The following IQCK variants were observed in gnomAD, a reference collection of about 807,000 sequenced individuals.
The protein encoded by IQCK is IQ domain-containing protein K.
In IQCK, 29 loss-of-function variants were observed where a neutral mutation model predicts 28.1. The ratio of observed to expected loss-of-function variants is 1.03; its 90% CI spans 0.77 to 1.41. IQCK has a LOEUF of 1.41. IQCK is among the 40% of genes most tolerant of loss of function. The pLI, the probability that IQCK is intolerant of heterozygous loss-of-function variation, is 0.00. For synonymous variants in IQCK, 113 were observed against 115.1 expected, an observed-to-expected ratio of 0.98 and a Z score of 0.12; for missense variants, 359 against 314.7, an observed-to-expected ratio of 1.14 and a Z score of -1.07.
At chr16:19,757,237 A>G (rs146166208) in intron 4 of IQCK, among the ~76,000 whole-genome samples, 19 of 152,338 alleles carry the variant, frequency 1.2e-4, no homozygotes, top group African/African-American at 4.1e-4. Context: ...GTGGAATTAT[A>G]TGAGTCATCT....
intron 6 of IQCK, among the ~76,000 whole-genome samples, chr16:19,773,576 CACAG>C (rs1293296328): frequency 6.6e-6 from 1 of 152,162 alleles, no homozygotes. Context: ...CTTTGCAAGC[CACAG>C]ACAGTCTCTC....
At chr16:19,726,726 G>A (rs1977666602) in intron 1 of IQCK, among the ~76,000 whole-genome samples, 1 of 152,138 alleles carries the variant, frequency 6.6e-6, no homozygotes, top group Admixed American at 6.6e-5. Flanking sequence ...CTTACGATAT[G>A]GTTGGTTCTG....
chr16:19,838,599 G>A (rs2056325790), intron 9 of IQCK, among the ~76,000 whole-genome samples: 1 of 152,192 alleles, frequency 6.6e-6, no homozygotes, highest in South Asian at 2.1e-4. Context: ...ACCTGTGGCT[G>A]CCAAACGTTG....
At chr16:19,750,722 A>G (rs2054975478) in intron 4 of IQCK, among the ~76,000 whole-genome samples, 2 of 152,188 alleles carry the variant, frequency 1.3e-5, no homozygotes, top group African/African-American at 4.8e-5. Context: ...TTGGCCTCCC[A>G]AAGTGCCGGG....
intron 6 of IQCK, among the ~76,000 whole-genome samples, chr16:19,777,174 G>A (rs1373082634): frequency 6.6e-6 from 1 of 151,868 alleles, no homozygotes; most frequent in Admixed American, 6.6e-5. Context: ...TTTCAGCTAA[G>A]TTTTATCCTT....
At chr16:19,857,285 C>CCACA (rs1405598903) in exon 10 of IQCK, 5 of 340,008 alleles carry the variant, frequency 1.5e-5, no homozygotes, top group Non-Finnish European at 2.8e-5. Flanking sequence ...TGACAAGCTA[C>CCACA]CACACGTCTT....
At chr16:19,843,945 C>T (rs2056387926) in intron 9 of IQCK, among the ~76,000 whole-genome samples, 1 of 152,132 alleles carries the variant, frequency 6.6e-6, no homozygotes, top group South Asian at 2.1e-4. Context: ...GAGTAATATT[C>T]CATTGTATGA....
intron 4 of IQCK, among the ~76,000 whole-genome samples, chr16:19,763,539 T>C (rs574642649): frequency 2.4e-4 from 36 of 152,058 alleles, no homozygotes; most frequent in Middle Eastern, 3.4e-3. Flanking sequence ...ACCTCCCAGG[T>C]TCAAGCAATT....
At chr16:19,727,919 C>G (rs1184857078) in intron 1 of IQCK, among the ~76,000 whole-genome samples, 4 of 152,086 alleles carry the variant, frequency 2.6e-5, no homozygotes, top group Non-Finnish European at 4.4e-5. Flanking sequence ...CCCCAAGATT[C>G]TTGCCACCTC....
chr16:19,758,743 A>G (rs1303147281), intron 4 of IQCK, among the ~76,000 whole-genome samples: 2 of 152,198 alleles, frequency 1.3e-5, no homozygotes, highest in Non-Finnish European at 2.9e-5. Flanking sequence ...TATTACGCCA[A>G]CCAGCAGTAT....
chr16:19,751,869 C>A lies in IQCK; in HGVS notation c.475-11979C>A, dbSNP rs16951280. Among the ~76,000 whole-genome samples the A allele has an allele frequency of 8.9e-3, 1,361 of 152,212 alleles. 21 individuals are homozygous for A. Among genetic ancestry groups the A allele is most frequent in the African/African-American group, 0.031 (1,295 of 41,526 alleles). On this transcript the variant is annotated intron_variant, in intron 4 of 7. Transcript: ENST00000564186. ...CTTATTGAATCTGCATTGCCATTGA[C>A]CTTTCTGATCTTCCGATTATAGTTA... is the stretch of plus-strand genomic sequence containing the variant.
intron 7 of IQCK, among the ~76,000 whole-genome samples, chr16:19,798,421 A>AATATATATAT (rs59816251): frequency 5.2e-5 from 6 of 115,470 alleles, no homozygotes; most frequent in African/African-American, 4.7e-4. Context: ...CATCACAAAA[A>AATATATATAT]ATATATATAT....
intron 7 of IQCK, among the ~76,000 whole-genome samples, chr16:19,823,116 A>C (rs963727523): frequency 6.6e-6 from 1 of 152,096 alleles, no homozygotes; most frequent in Admixed American, 6.5e-5. Flanking sequence ...AACTCGAGCA[A>C]GTTGAAACTT....
exon 8 of IQCK, chr16:19,827,172 A>G (rs924513826): frequency 2.1e-6 from 3 of 1,416,424 alleles, no homozygotes; most frequent in African/African-American, 2.8e-5. Flanking sequence ...TAGTTCATTC[A>G]AGAAAAGCCT....
At chr16:19,744,782 G>A (rs2054884028) in intron 4 of IQCK, among the ~76,000 whole-genome samples, 1 of 152,214 alleles carries the variant, frequency 6.6e-6, no homozygotes, top group Non-Finnish European at 1.5e-5. Context: ...TTAGCTGGGT[G>A]CTAGCAGTAT....
At chr16:19,747,433 G>A (rs1783637213) in intron 4 of IQCK, among the ~76,000 whole-genome samples, 2 of 152,134 alleles carry the variant, frequency 1.3e-5, no homozygotes, top group East Asian at 3.9e-4. Flanking sequence ...TCACACGTTA[G>A]ATTGGCCAAA....
intron 4 of IQCK, among the ~76,000 whole-genome samples, chr16:19,754,357 G>A (rs2049029526): frequency 6.6e-6 from 1 of 152,186 alleles, no homozygotes; most frequent in Non-Finnish European, 1.5e-5. Flanking sequence ...TAAAACGATG[G>A]CTGAAAATAA....
chr16:19,817,427 C>T (rs893789042), intron 7 of IQCK, among the ~76,000 whole-genome samples: 14 of 152,064 alleles, frequency 9.2e-5, no homozygotes, highest in African/African-American at 1.7e-4. Context: ...TCCAGGCTTC[C>T]GTGGTAATGA....
At chr16:19,843,207 A>G (rs1184816505) in intron 9 of IQCK, among the ~76,000 whole-genome samples, 1 of 152,232 alleles carries the variant, frequency 6.6e-6, no homozygotes, top group Non-Finnish European at 1.5e-5. Context: ...TTATTGAGAT[A>G]TAATTCATAT....
Sources: gnomAD v4.1 joint callset for allele counts (sites outside exome capture counted in the v4.1 genomes callset) on GRCh38, gnomAD v4.1.1 for gene constraint, MANE v1.5 for transcripts, NCBI Gene and HGNC (gene_info 2026-07-23, HGNC 2026-07-21) for gene names.